The following SOX6 variants were observed in gnomAD, a reference collection of about 807,000 sequenced individuals.
SOX6 encodes the protein SRY-box transcription factor 6, also known as transcription factor SOX-6.
A neutral mutation model predicts 97.8 loss-of-function variants in SOX6; 11 were observed. The ratio of observed to expected loss-of-function variants is 0.11; its 90% CI spans 0.07 to 0.19. The LOEUF is 0.19. Among genes scored for constraint, SOX6 ranks in the 10% least tolerant of loss-of-function variants. The pLI, the probability that SOX6 is intolerant of heterozygous loss-of-function variation, is 1.00. For synonymous variants in SOX6, 360 were observed against 371.4 expected (o/e 0.97, Z 0.35); for missense variants, 810 against 1,039.5 (o/e 0.78, Z 3.04).
At chr11:16,330,329 A>G (rs1299767589) in intron 2 of SOX6, among the ~76,000 whole-genome samples, 1 of 152,108 alleles carries the variant, frequency 6.6e-6, no homozygotes, top group Non-Finnish European at 1.5e-5. Context: ...CGAGGCGGGC[A>G]AATCAGTTGA....
intron 4 of SOX6, among the ~76,000 whole-genome samples, chr11:16,220,859 T>A (rs890854733): frequency 8.6e-5 from 13 of 152,040 alleles, no homozygotes; most frequent in Admixed American, 5.2e-4. Context: ...CAAACCCACA[T>A]GTGATCAACT....
intron 2 of SOX6, among the ~76,000 whole-genome samples, chr11:16,736,096 A>T (rs1848389342): frequency 6.6e-6 from 1 of 152,196 alleles, no homozygotes; most frequent in South Asian, 2.1e-4. Flanking sequence ...CATATAAGAT[A>T]CCACTCTGGT....
intron 4 of SOX6, among the ~76,000 whole-genome samples, chr11:16,600,198 C>A (rs945545620): frequency 6.6e-6 from 1 of 152,224 alleles, no homozygotes; most frequent in Non-Finnish European, 1.5e-5. Flanking sequence ...TACCATGCAG[C>A]TTCAGATATA....
intron 9 of SOX6, among the ~76,000 whole-genome samples, chr11:16,071,609 C>A (rs1453861735): frequency 1.3e-5 from 2 of 152,014 alleles, no homozygotes; most frequent in Admixed American, 1.3e-4. Context: ...CAGGCCACTC[C>A]CACTAAAGCT....
At chr11:16,029,806 A>G (rs1855315153) in intron 12 of SOX6, among the ~76,000 whole-genome samples, 2 of 152,218 alleles carry the variant, frequency 1.3e-5, no homozygotes, top group Non-Finnish European at 2.9e-5. Context: ...TTTCAGACCA[A>G]TTAATGACTT....
chr11:16,071,157 C>G (rs1158778555), intron 9 of SOX6, among the ~76,000 whole-genome samples: 3 of 152,124 alleles, frequency 2.0e-5, no homozygotes, highest in Non-Finnish European at 4.4e-5. Context: ...TTACCAAACC[C>G]TTCCACTGGT....
chr11:15,987,105 T>C (rs2119818748), intron 14 of SOX6, among the ~76,000 whole-genome samples: 1 of 152,324 alleles, frequency 6.6e-6, no homozygotes, highest in South Asian at 2.1e-4. Flanking sequence ...AGTATTCACT[T>C]CTCTAATATT....
chr11:16,240,275 AGTGT>A (rs4031660), intron 3 of SOX6, among the ~76,000 whole-genome samples: 5,916 of 129,078 alleles, frequency 0.046, 258 homozygotes, highest in Admixed American at 0.16. Context: ...TAGATAATAT[AGTGT>A]GTGTGTGTGT....
chr11:16,141,270 A>G (rs1850130388), intron 6 of SOX6, among the ~76,000 whole-genome samples: 1 of 152,194 alleles, frequency 6.6e-6, no homozygotes, highest in Non-Finnish European at 1.5e-5. Context: ...CGAAGAATGG[A>G]AGTGAAATGA....
At chr11:16,572,699 A>G (rs1174026344) in intron 4 of SOX6, among the ~76,000 whole-genome samples, 1 of 152,188 alleles carries the variant, frequency 6.6e-6, no homozygotes, top group East Asian at 1.9e-4. Context: ...AAGTCAGGCC[A>G]TTGCAATTAC....
intron 1 of SOX6, among the ~76,000 whole-genome samples, chr11:16,450,828 C>T (rs1023246108): frequency 2.0e-5 from 3 of 152,058 alleles, no homozygotes; most frequent in Non-Finnish European, 4.4e-5. Flanking sequence ...AAATGTTCAC[C>T]AATAAAGCTA....
intron 1 of SOX6, among the ~76,000 whole-genome samples, chr11:16,380,093 T>C (rs947789892): frequency 6.6e-6 from 1 of 151,914 alleles, no homozygotes; most frequent in Non-Finnish European, 1.5e-5. Context: ...GTATATACCT[T>C]AATATAAAGT....
At chr11:16,050,062 A>G in intron 10 of SOX6, 124 bp from the exon 11 acceptor site, 3 of 993,408 alleles carry the variant, frequency 3.0e-6, no homozygotes, top group Admixed American at 3.8e-5. Flanking sequence ...TAATAACAAA[A>G]GAAGCTAATT....
At chr11:16,505,875 T>C (rs1281692390) in intron 4 of SOX6, among the ~76,000 whole-genome samples, 1 of 152,168 alleles carries the variant, frequency 6.6e-6, no homozygotes, top group Non-Finnish European at 1.5e-5. Context: ...AGCCTGCAGG[T>C]GGGCAGAGGG....
intron 3 of SOX6, among the ~76,000 whole-genome samples, chr11:16,687,459 T>C (rs933753455): frequency 6.6e-6 from 1 of 152,202 alleles, no homozygotes; most frequent in Non-Finnish European, 1.5e-5. Context: ...TTTGCATTTT[T>C]AGTAGAGACA....
chr11:16,040,484 T>C (rs192530167), intron 12 of SOX6, among the ~76,000 whole-genome samples: 123 of 152,210 alleles, frequency 8.1e-4, no homozygotes, highest in Non-Finnish European at 1.6e-3. Context: ...TAATAAAACT[T>C]ACCTTGCTTT....
chr11:15,979,774 C>A (rs567396780), intron 15 of SOX6, among the ~76,000 whole-genome samples: 1 of 151,996 alleles, frequency 6.6e-6, no homozygotes, highest in Non-Finnish European at 1.5e-5. Context: ...GGCCTTTGCT[C>A]AAATGTTGCT....
At chr11:16,318,270 A>T in intron 3 of SOX6, 176 bp downstream of exon 3, 1 of 662,148 alleles carries the variant, frequency 1.5e-6, no homozygotes, top group Non-Finnish European at 2.6e-6. Context: ...CTATCTGTTT[A>T]ACACTCCTAA....
At chr11:16,239,653 CA>C (rs2134183045) in intron 3 of SOX6, among the ~76,000 whole-genome samples, 1 of 152,180 alleles carries the variant, frequency 6.6e-6, no homozygotes, top group African/African-American at 2.4e-5. Flanking sequence ...AGCCAAGCAG[CA>C]AGAGAAAGCA....
Sources: gnomAD v4.1 joint callset for allele counts (sites outside exome capture counted in the v4.1 genomes callset) on GRCh38, gnomAD v4.1.1 for gene constraint, MANE v1.5 for transcripts, NCBI Gene and HGNC (gene_info 2026-07-23, HGNC 2026-07-21) for gene names.